The following BAHD1 variants were observed in gnomAD, a reference collection of about 807,000 sequenced individuals.
BAHD1 encodes bromo adjacent homology domain containing 1.
A neutral mutation model predicts 63.1 loss-of-function variants in BAHD1; 20 were observed. That is an observed-to-expected ratio of 0.32 (90% CI 0.22 to 0.46). The LOEUF (loss-of-function observed/expected upper bound fraction) is 0.46, where lower values mean the gene tolerates loss of function less well. Ranked by LOEUF, BAHD1 falls within the 20% of genes least tolerant of loss-of-function variation. The probability of loss-of-function intolerance (pLI) is 1.00; values close to 1 mark genes in which losing one functional copy is unlikely to be tolerated. For synonymous variants in BAHD1, 408 were observed against 426.8 expected, an observed-to-expected ratio of 0.96 and a Z score of 0.54; for missense variants, 939 against 1,071.8, an observed-to-expected ratio of 0.88 and a Z score of 1.73.
At chr15:40,464,637 G>A (rs752150687) in intron 5 of BAHD1, 90 bp downstream of exon 5, 2 of 1,108,892 alleles carry the variant, frequency 1.8e-6, no homozygotes, top group Non-Finnish European at 2.7e-6. Flanking sequence ...GGGCAGCCAT[G>A]GGCTGTAGTC....
chr15:40,460,274 G>A (rs1044964216), intron 2 of BAHD1, among the ~76,000 whole-genome samples: 1 of 152,120 alleles, frequency 6.6e-6, no homozygotes, highest in Non-Finnish European at 1.5e-5. Flanking sequence ...TGTTCTCACG[G>A]CCCTTCTACC....
Position 40,458,420 on chromosome 15 carries a change from C to G in BAHD1, c.-14-31C>G, listed in dbSNP as rs1295356714. The G allele has an allele frequency of 6.5e-7, 1 of 1,527,492 alleles. No homozygotes were observed. The highest frequency in any genetic ancestry group is 8.8e-7 in the Non-Finnish European group (1 of 1,136,182). The allele number at this position is 1,527,492 out of a possible 1,614,324, so 94.6% of individuals were successfully genotyped here. The stretch of plus-strand genomic sequence containing the variant: ...GCAGGCAGGAGCAGGCCAGAGAGGG[C>G]TTCTCTCATTGCCCACCTTCTGTCC... On this transcript the variant is annotated intron_variant, in intron 1 of 6. Transcript: ENST00000416165. The surrounding 1 kb of genome is among the most constrained non-coding windows in gnomAD (Gnocchi z 4.7).
At position 40,459,062 on chromosome 15, in the gene BAHD1, G is replaced by A. The variant is rs778518016; in HGVS notation, c.598G>A (p.Ala200Thr). Reference sequence around the variant, plus strand: ...AGGTCCCCGCCGAGATGGAGACCCAGCTCCCAAGAGACTGGCTAGCCTGAA... The same window carrying A: ...AGGTCCCCGCCGAGATGGAGACCCAACTCCCAAGAGACTGGCTAGCCTGAA... ...DEGPRRDGDP[A>T]PKRLASLNAA... Residue 200 changes from alanine (A) to threonine (T), a missense_variant, in exon 2 of 7, where the codon GCT becomes ACT. Ala to Thr is a moderately conservative substitution (Grantham distance 58, BLOSUM62 0). This residue lies in a region of BAHD1 where 797 missense variants were observed against 813.3 expected (regional missense o/e 0.98). Transcript: ENST00000416165. 3 of 1,611,358 alleles carry A rather than the reference G, an allele frequency of 1.9e-6. No individual in the cohort carries two copies. Among genetic ancestry groups the A allele is most frequent in the African/African-American group, 2.7e-5 (2 of 74,870 alleles).
Position 40,459,473 on chromosome 15 carries a change from G to C in BAHD1, c.1009G>C (p.Ala337Pro). ...EPGRPGEESP[A>P]PKQELHQPSF... is the part of the protein sequence containing the mutation. ...TGGGCGCCCAGGCGAGGAGTCACCT[G>C]CCCCTAAGCAGGAACTGCATCAGCC... Residue 337 changes from alanine to proline, a missense_variant, in exon 2 of 7, where the codon GCC (alanine) becomes CCC (proline). This residue lies in a region of BAHD1 where 797 missense variants were observed against 813.3 expected (regional missense o/e 0.98). Coordinates refer to ENST00000416165, the MANE Select transcript of BAHD1 (RefSeq NM_014952.5). 1 of 1,613,746 alleles carries C rather than the reference G, an allele frequency of 6.2e-7. No individual in the cohort carries two copies. The highest frequency in any genetic ancestry group is 8.5e-7 in the Non-Finnish European group (1 of 1,179,990).
At chr15:40,452,799 G>A (rs1893743909) in intron 1 of BAHD1, among the ~76,000 whole-genome samples, 1 of 151,654 alleles carries the variant, frequency 6.6e-6, no homozygotes, top group African/African-American at 2.4e-5. Context: ...CAGGGCATCT[G>A]TCTGTCCCTT....
chr15:40,464,836 A>C (rs603104), intron 5 of BAHD1: 282,079 of 457,876 alleles, frequency 0.62, 89,753 homozygotes, highest in East Asian at 0.83. Flanking sequence ...GTTCCCCTGG[A>C]AACAGGAAAG....
chr15:40,444,802 G>C (rs1467230510), intron 1 of BAHD1, among the ~76,000 whole-genome samples: 1 of 152,128 alleles, frequency 6.6e-6, no homozygotes, highest in Admixed American at 6.6e-5. Context: ...TGACTGGTTA[G>C]AGGCCAGATA....
Position 40,466,355 on chromosome 15 carries a change from A to G in BAHD1, c.*225A>G, listed in dbSNP as rs567914196. On this transcript the variant is annotated 3_prime_UTR_variant, in exon 7 of 7. Transcript: ENST00000416165. ...GCATCAGAACTCTCAGCTTGGCCCAAGGTACCTTCTGTGGTTCCCCTGGGT... is the reference window on the plus strand; with the variant it reads ...GCATCAGAACTCTCAGCTTGGCCCAGGGTACCTTCTGTGGTTCCCCTGGGT... 10 of 333,436 alleles carry G rather than the reference A, an allele frequency of 3.0e-5. No individual in the cohort carries two copies. The highest frequency in any genetic ancestry group is 1.1e-4 in the East Asian group (2 of 17,704). The allele number at this position is 333,436 out of a possible 1,614,324, so 20.7% of individuals were successfully genotyped here. A position where few individuals can be genotyped will look rare whatever the true frequency, so the allele number is the denominator to read the frequency against.
chr15:40,439,546 C>G (rs994470596), upstream of BAHD1, among the ~76,000 whole-genome samples: 3 of 152,236 alleles, frequency 2.0e-5, no homozygotes, highest in African/African-American at 7.2e-5. Context: ...GCAGCCTCAG[C>G]ACTCTGGGTG....
At chr15:40,463,119 T>C (rs1409969512) in intron 3 of BAHD1, among the ~76,000 whole-genome samples, 1 of 152,022 alleles carries the variant, frequency 6.6e-6, no homozygotes, top group African/African-American at 2.4e-5. Context: ...CTGGTCGACA[T>C]AGCAAGATCC....
rs144590101 is a variant in BAHD1 at position 40,459,506 on chromosome 15, C to T, written c.1042C>T (p.Pro348Ser). ...PKQELHQPSF[P>S]TPQLSPLPMP... ...GCAGGAACTGCATCAGCCCTCTTTCCCCACACCTCAGCTGTCGCCGCTGCC... is the reference window on the plus strand; with the variant it reads ...GCAGGAACTGCATCAGCCCTCTTTCTCCACACCTCAGCTGTCGCCGCTGCC... Residue 348 changes from proline (P) to serine (S), a missense_variant, in exon 2 of 7, where the codon CCC (proline) becomes TCC (serine). This residue lies in a region of BAHD1 where 797 missense variants were observed against 813.3 expected (regional missense o/e 0.98). Coordinates refer to ENST00000416165, the MANE Select transcript of BAHD1 (RefSeq NM_014952.5). 1.2e-6 allele frequency: 2 copies of T among 1,613,990 alleles called. No homozygotes were observed. Among genetic ancestry groups the T allele is most frequent in the African/African-American group, 2.7e-5 (2 of 74,958 alleles).
chr15:40,452,737 G>T (rs116211993), intron 1 of BAHD1, among the ~76,000 whole-genome samples: 5,771 of 152,216 alleles, frequency 0.038, 375 homozygotes, highest in African/African-American at 0.13. Context: ...GTTGTGCTCT[G>T]CTCGTGCTGG....
Position 40,464,623 on chromosome 15 carries a change from G to T in BAHD1, c.2052+76G>T, listed in dbSNP as rs985978636. The T allele has an allele frequency of 4.6e-6, 6 of 1,296,964 alleles. No homozygotes were observed. The African/African-American group carries it at 8.8e-5, about 19-fold the overall frequency. 80.3% of individuals were successfully genotyped at this position (1,296,964 alleles called of 1,614,324 possible). ...GGTTATGGCACTAAGACGTGGTAGG[G>T]GGAGGGCAGCCATGGGCTGTAGTCA... On this transcript the variant is annotated intron_variant, in intron 5 of 6. Coordinates refer to ENST00000416165, the MANE Select transcript of BAHD1 (RefSeq NM_014952.5).
At chr15:40,449,537 T>C (rs571020309) in intron 1 of BAHD1, among the ~76,000 whole-genome samples, 8 of 151,866 alleles carry the variant, frequency 5.3e-5, no homozygotes, top group African/African-American at 1.9e-4. Context: ...TGGTGACTCA[T>C]GCCTGTAATC....
Position 40,458,467 on chromosome 15 carries a change from G to GAC in BAHD1, c.10_11dup (p.Arg5LeufsTer9). On this transcript the variant is annotated frameshift_variant, in exon 2 of 7. Coordinates refer to ENST00000416165, the MANE Select transcript of BAHD1 (RefSeq NM_014952.5). LOFTEE classifies it high-confidence loss of function. This position sits in a 1 kb window ranked among gnomAD's most constrained non-coding sequence, Gnocchi z 4.7. Reference sequence around the variant, plus strand: ...GTCCTGCAGGTTGGAAGTACTCCATGACACACACTCGGAGAAAGTCCCTTC... The same window carrying GAC: ...GTCCTGCAGGTTGGAAGTACTCCATGACACACACACTCGGAGAAAGTCCCTTC... 1 of 1,577,600 alleles carries GAC rather than the reference G, an allele frequency of 6.3e-7. No individual in the cohort carries two copies. The highest frequency in any genetic ancestry group is 1.2e-5 in the South Asian group (1 of 85,880).
At chr15:40,461,865 TG>T in intron 2 of BAHD1, 46 bp from the exon 3 acceptor site, 1 of 1,526,414 alleles carries the variant, frequency 6.6e-7, no homozygotes, top group Non-Finnish European at 8.8e-7. Flanking sequence ...AGATGGGTGA[TG>T]GGGGTCACTG....
At chr15:40,446,526 A>C (rs1287553160) in intron 1 of BAHD1, among the ~76,000 whole-genome samples, 1 of 152,234 alleles carries the variant, frequency 6.6e-6, no homozygotes, top group Non-Finnish European at 1.5e-5. Flanking sequence ...TCCCCCCAAC[A>C]CAAAAAAATA....
upstream of BAHD1, among the ~76,000 whole-genome samples, chr15:40,439,307 A>G (rs1384762704): frequency 6.6e-6 from 1 of 152,178 alleles, no homozygotes; most frequent in Non-Finnish European, 1.5e-5. Context: ...CAAACAGCTA[A>G]GACAGTCTGG....
chr15:40,465,350 G>A lies in BAHD1; in HGVS notation c.2068G>A (p.Val690Met). ...TCCCTTTGAGCCCTTGCAGAATGAA[G>A]TGTTTGCATCGCGACATCAGGACCA... ...PSMHEPLQNE[V>M]FASRHQDQNS... Residue 690 changes from valine (V) to methionine (M), a missense_variant, in exon 6 of 7, where the codon GTG becomes ATG. Val to Met is a conservative substitution (Grantham distance 21). Transcript: ENST00000416165. The A allele has an allele frequency of 6.2e-7, 1 of 1,614,168 alleles. No individual in the cohort carries two copies. Among genetic ancestry groups the A allele is most frequent in the Non-Finnish European group, 8.5e-7 (1 of 1,180,000 alleles).
Sources: allele counts gnomAD v4.1 joint callset (sites outside exome capture counted in the v4.1 genomes callset), GRCh38; gene constraint gnomAD v4.1.1; regional missense constraint gnomAD v4.1.1; non-coding constraint Gnocchi (gnomAD v3.1); transcripts MANE v1.5; gene names NCBI Gene and HGNC (gene_info 2026-07-23, HGNC 2026-07-21).